Variants in RASAL2 observed in about 807,000 individuals in gnomAD.
RASAL2 encodes the protein ras GTPase-activating protein nGAP.
In RASAL2, 58 loss-of-function variants were observed where a neutral mutation model predicts 128.9. That is an observed-to-expected ratio of 0.45 (90% confidence interval 0.36 to 0.56). The LOEUF (loss-of-function observed/expected upper bound fraction) is 0.56, where lower values mean the gene tolerates loss of function less well. RASAL2 is among the 20% of genes least tolerant of loss of function. The probability of loss-of-function intolerance (pLI) is 0.00; values close to 1 mark genes in which losing one functional copy is unlikely to be tolerated. For synonymous variants in RASAL2, 561 were observed against 580.8 expected (o/e 0.97, Z 0.49); for missense variants, 1,360 against 1,601.6 (o/e 0.85, Z 2.57).
intron 4 of RASAL2, among the ~76,000 whole-genome samples, chr1:178,413,462 T>C (rs889184729): frequency 2.0e-5 from 3 of 152,176 alleles, no homozygotes; most frequent in Non-Finnish European, 4.4e-5. Flanking sequence ...TGAGATCTAA[T>C]AGGACTTCAG....
rs1648479347 is a variant in RASAL2, at chr1:178,473,671, G to A, written c.*432G>A. ...GAGACCAAGCATCTATCTGATAGAA[G>A]CACATGGAGTGCAATAGGACATTGT... On this transcript the variant is annotated 3_prime_UTR_variant, in exon 18 of 18. Coordinates refer to ENST00000367649, the MANE Select transcript of RASAL2 (RefSeq NM_170692.4). 5.3e-6 allele frequency: 1 copy of A among 189,438 alleles called. No individual in the cohort carries two copies. The highest frequency in any genetic ancestry group is 2.4e-5 in the African/African-American group (1 of 41,836). The allele number at this position is 189,438 out of a possible 1,614,324, so 11.7% of individuals were successfully genotyped here.
chr1:178,110,651 T>TATATATATATATGA, intron 1 of RASAL2, among the ~76,000 whole-genome samples: 1 of 1,840 alleles, frequency 5.4e-4, no homozygotes. Context: ...TATATATATA[T>TATATATATATATGA]ATGTATGTAT....
intron 3 of RASAL2, among the ~76,000 whole-genome samples, chr1:178,355,374 T>G (rs1670746226): frequency 6.6e-6 from 1 of 152,116 alleles, no homozygotes; most frequent in African/African-American, 2.4e-5. Context: ...TGCAGAGTGG[T>G]GGGGAAATTA....
At chr1:178,314,538 A>C (rs1668407127) in intron 3 of RASAL2, among the ~76,000 whole-genome samples, 1 of 152,028 alleles carries the variant, frequency 6.6e-6, no homozygotes, top group Non-Finnish European at 1.5e-5. Context: ...AATTCAAACT[A>C]CTTTCTAATG....
In RASAL2 at chr1:178,462,885, T is replaced by C. The variant is rs569955198; in HGVS notation, c.3253-1393T>C. On this transcript the variant is annotated intron_variant, in intron 14 of 17. Coordinates refer to ENST00000367649, the MANE Select transcript of RASAL2 (RefSeq NM_170692.4). ...TTTATTGATATATAACTATAATCTGTAAATCGACTAAACCAGATCTTTCTT... is the reference window on the plus strand; with the variant it reads ...TTTATTGATATATAACTATAATCTGCAAATCGACTAAACCAGATCTTTCTT... Among the ~76,000 whole-genome samples, 5 of 152,290 alleles carry C rather than the reference T, an allele frequency of 3.3e-5. No homozygotes were observed. The East Asian group carries it at 7.7e-4, about 23-fold the overall frequency.
chr1:178,157,555 A>G (rs1472838339), intron 1 of RASAL2, among the ~76,000 whole-genome samples: 9 of 152,142 alleles, frequency 5.9e-5, no homozygotes, highest in Admixed American at 1.3e-4. Flanking sequence ...TGGGGTGCCT[A>G]TGAGGGTTAT....
intron 1 of RASAL2, among the ~76,000 whole-genome samples, chr1:178,183,140 T>G (rs1662173066): frequency 6.6e-6 from 1 of 152,124 alleles, no homozygotes; most frequent in African/African-American, 2.4e-5. Context: ...TGAACTAGAG[T>G]ATAGTGCTTA....
intron 1 of RASAL2, among the ~76,000 whole-genome samples, chr1:178,179,317 A>G (rs1662006846): frequency 6.6e-6 from 1 of 152,220 alleles, no homozygotes; most frequent in South Asian, 2.1e-4. Flanking sequence ...CCACTGACTG[A>G]GGCACATAAA....
intron 1 of RASAL2, among the ~76,000 whole-genome samples, chr1:178,207,524 C>T (rs951050285): frequency 6.6e-6 from 1 of 152,136 alleles, no homozygotes; most frequent in Non-Finnish European, 1.5e-5. Flanking sequence ...TGAGCATCCT[C>T]ATATTTTGGT....
At chr1:178,452,749 A>G (rs1301387397) in intron 11 of RASAL2, 97 bp downstream of exon 11, 2 of 962,796 alleles carry the variant, frequency 2.1e-6, no homozygotes, top group Non-Finnish European at 3.2e-6. Flanking sequence ...CACTCATGTT[A>G]CCAGATTTTC....
intron 1 of RASAL2, among the ~76,000 whole-genome samples, chr1:178,106,108 G>C (rs937068690): frequency 2.0e-5 from 3 of 152,202 alleles, no homozygotes; most frequent in African/African-American, 7.2e-5. Context: ...CTGTTGCTCT[G>C]AGGGATACAC....
At chr1:178,441,490 A>C in intron 6 of RASAL2, 59 bp from the exon 7 acceptor site, 1 of 1,267,588 alleles carries the variant, frequency 7.9e-7, no homozygotes. Context: ...GTGAACCCTA[A>C]TGACAGAGCC....
chr1:178,305,470 A>G (rs1238718599), intron 3 of RASAL2, among the ~76,000 whole-genome samples: 1 of 152,210 alleles, frequency 6.6e-6, no homozygotes, highest in Non-Finnish European at 1.5e-5. Flanking sequence ...AGTGGAACAG[A>G]GAATCCAGAA....
intron 4 of RASAL2, among the ~76,000 whole-genome samples, chr1:178,394,920 T>C (rs374692427): frequency 6.6e-6 from 1 of 152,336 alleles, no homozygotes; most frequent in Non-Finnish European, 1.5e-5. Flanking sequence ...AAATAAGATA[T>C]AGGCTAAGTT....
chr1:178,146,080 A>ATAGG lies in RASAL2; in HGVS notation c.202+51389_202+51392dup, dbSNP rs545981519. On this transcript the variant is annotated intron_variant, in intron 1 of 17. Transcript: ENST00000367649. ...TAGTTTTTGTTTCTACTGAGATATG[A>ATAGG]TAGGTAATTCTGCAAATTTTATTGA... is the stretch of plus-strand genomic sequence containing the variant. Among the ~76,000 whole-genome samples, 5 of 152,336 alleles carry ATAGG rather than the reference A, an allele frequency of 3.3e-5. 1 individual carries two copies. Among genetic ancestry groups the ATAGG allele is most frequent in the Non-Finnish European group, 7.4e-5 (5 of 68,024 alleles).
chr1:178,395,398 A>C (rs1366339217), intron 4 of RASAL2, among the ~76,000 whole-genome samples: 2 of 152,160 alleles, frequency 1.3e-5, no homozygotes, highest in African/African-American at 4.8e-5. Context: ...ACTAAGAAGC[A>C]GTATTTTCTC....
At chr1:178,209,588 T>A (rs953280187) in intron 1 of RASAL2, among the ~76,000 whole-genome samples, 2 of 152,174 alleles carry the variant, frequency 1.3e-5, no homozygotes, top group African/African-American at 2.4e-5. Flanking sequence ...CATGATGATG[T>A]GCTCTGGTTG....
At chr1:178,411,135 T>C (rs1291883585) in intron 4 of RASAL2, among the ~76,000 whole-genome samples, 1 of 142,646 alleles carries the variant, frequency 7.0e-6, no homozygotes. Flanking sequence ...AACTAATGAG[T>C]GAATAAAGAA....
intron 17 of RASAL2, among the ~76,000 whole-genome samples, chr1:178,471,171 A>T (rs73037566): frequency 0.069 from 10,424 of 152,100 alleles, 1,145 homozygotes; most frequent in African/African-American, 0.23. Context: ...TAATTTCCTT[A>T]TGAGGCCTTA....
Sources: gnomAD v4.1 joint callset for allele counts (sites outside exome capture counted in the v4.1 genomes callset) on GRCh38, gnomAD v4.1.1 for gene constraint, MANE v1.5 for transcripts, NCBI Gene and HGNC (gene_info 2026-07-23, HGNC 2026-07-21) for gene names.